CACNA2D1: variants seen among roughly 807,000 people sequenced by gnomAD.
CACNA2D1 encodes voltage-dependent calcium channel subunit alpha-2/delta-1.
CACNA2D1 carries 53 observed loss-of-function variants against 171.5 expected under a neutral mutation model. That is an observed-to-expected ratio of 0.31 (90% CI 0.25 to 0.39). The LOEUF (loss-of-function observed/expected upper bound fraction) is 0.39, where lower values mean the gene tolerates loss of function less well. Ranked by LOEUF, CACNA2D1 falls within the 10% of genes least tolerant of loss-of-function variation. The pLI is 1.00. For synonymous variants in CACNA2D1, 442 were observed against 443.1 expected, an observed-to-expected ratio of 1.00 and a Z score of 0.03; for missense variants, 903 against 1,299.8, an observed-to-expected ratio of 0.69 and a Z score of 4.69.
rs35419275 is a variant in CACNA2D1, at chr7:82,363,254, CTTTTTTTTTTTTTTTTTTT to C, written c.96-13624_96-13606del. On this transcript the variant is annotated intron_variant, in intron 1 of 38. Coordinates refer to ENST00000356860, the MANE Select transcript of CACNA2D1 (RefSeq NM_000722.4). The stretch of plus-strand genomic sequence containing the variant: ...CTACCATAGTTTTATTTATTTGTCT[CTTTTTTTTTTTTTTTTTTT>C]TTTTTTTTTTGAGACGGAGTCTCAC... 6.3e-5 allele frequency among the ~76,000 whole-genome samples: 4 copies of C among 63,420 alleles called. 1 individual carries two copies. The highest frequency in any genetic ancestry group is 3.3e-4 in the African/African-American group (4 of 11,950). 41.6% of individuals were successfully genotyped at this position (63,420 alleles called of 152,430 possible).
chr7:82,318,786 T>C (rs1815426288), intron 3 of CACNA2D1, among the ~76,000 whole-genome samples: 1 of 152,202 alleles, frequency 6.6e-6, no homozygotes, highest in African/African-American at 2.4e-5. Flanking sequence ...TTTCATTCTA[T>C]ACTTCTTGGC....
At chr7:82,382,200 C>A (rs1033064128) in intron 1 of CACNA2D1, among the ~76,000 whole-genome samples, 1 of 152,154 alleles carries the variant, frequency 6.6e-6, no homozygotes, top group African/African-American at 2.4e-5. Flanking sequence ...TATAGGAATT[C>A]TTTTCAATTT....
At chr7:81,970,179 A>T (rs1795121502) in intron 27 of CACNA2D1, among the ~76,000 whole-genome samples, 195 bp from the exon 28 acceptor site, 2 of 151,432 alleles carry the variant, frequency 1.3e-5, no homozygotes, top group Non-Finnish European at 3.0e-5. Context: ...GAATCAGAAA[A>T]AGCTAACTCC....
intron 5 of CACNA2D1, among the ~76,000 whole-genome samples, chr7:82,133,558 C>T (rs1204642056): frequency 1.3e-5 from 2 of 152,066 alleles, no homozygotes; most frequent in Non-Finnish European, 2.9e-5. Flanking sequence ...CAAAAATTAC[C>T]ACTTTTGGGA....
chr7:82,427,656 C>T (rs761135273), intron 1 of CACNA2D1, among the ~76,000 whole-genome samples: 48 of 152,158 alleles, frequency 3.2e-4, no homozygotes, highest in Non-Finnish European at 3.8e-4. Context: ...GGAAGGTTGA[C>T]TTGTTCAAGT....
chr7:82,168,614 A>C (rs751251795), intron 4 of CACNA2D1, among the ~76,000 whole-genome samples: 4 of 152,006 alleles, frequency 2.6e-5, no homozygotes, highest in Non-Finnish European at 5.9e-5. Flanking sequence ...AATAATTGCC[A>C]AATGTTAGTG....
chr7:82,051,992 T>C (rs1805244825), intron 10 of CACNA2D1, among the ~76,000 whole-genome samples: 1 of 152,190 alleles, frequency 6.6e-6, no homozygotes, highest in African/African-American at 2.4e-5. Flanking sequence ...TCTGACATCT[T>C]ATACATGATT....
intron 1 of CACNA2D1, among the ~76,000 whole-genome samples, chr7:82,350,915 T>C (rs189412983): frequency 2.6e-5 from 4 of 152,324 alleles, no homozygotes; most frequent in Admixed American, 2.6e-4. Flanking sequence ...GTCAGGATAT[T>C]TTAGAAGACC....
At chr7:82,073,967 T>TA (rs2128996042) in intron 7 of CACNA2D1, among the ~76,000 whole-genome samples, 1 of 152,168 alleles carries the variant, frequency 6.6e-6, no homozygotes, top group Admixed American at 6.5e-5. Context: ...ACTAGGCACA[T>TA]AGAGACACGA....
chr7:82,257,988 T>G (rs1444095812), intron 3 of CACNA2D1, among the ~76,000 whole-genome samples: 1 of 152,142 alleles, frequency 6.6e-6, no homozygotes, highest in Non-Finnish European at 1.5e-5. Context: ...TGATTGCTGG[T>G]GGAGGGAGAC....
chr7:81,966,740 T>A (rs1263124607), intron 31 of CACNA2D1, among the ~76,000 whole-genome samples: 1 of 151,488 alleles, frequency 6.6e-6, no homozygotes, highest in African/African-American at 2.4e-5. Context: ...TACTTCCAGG[T>A]TTAGTTAAAA....
At chr7:82,099,202 G>A (rs901961530) in intron 6 of CACNA2D1, among the ~76,000 whole-genome samples, 1 of 151,994 alleles carries the variant, frequency 6.6e-6, no homozygotes, top group African/African-American at 2.4e-5. Context: ...TATATCTGTA[G>A]CAAAACCTTT....
chr7:82,275,898 A>G, intron 3 of CACNA2D1, among the ~76,000 whole-genome samples: 1 of 152,206 alleles, frequency 6.6e-6, no homozygotes, highest in East Asian at 1.9e-4. Flanking sequence ...GGACTTCTGA[A>G]CTGCCGTTTA....
intron 3 of CACNA2D1, among the ~76,000 whole-genome samples, chr7:82,198,987 G>T (rs1799134314): frequency 6.6e-6 from 1 of 152,002 alleles, no homozygotes; most frequent in Admixed American, 6.6e-5. Flanking sequence ...GGAAGAATTT[G>T]GATTTCCCCT....
At chr7:82,358,136 G>C (rs929654173) in intron 1 of CACNA2D1, among the ~76,000 whole-genome samples, 6 of 152,206 alleles carry the variant, frequency 3.9e-5, no homozygotes, top group African/African-American at 1.2e-4. Flanking sequence ...GAAGTAATAA[G>C]TTCATATATT....
At chr7:82,136,611 T>C (rs1791643773) in intron 5 of CACNA2D1, 24 bp downstream of exon 5, 3 of 1,550,816 alleles carry the variant, frequency 1.9e-6, no homozygotes, top group South Asian at 1.1e-5. Context: ...TCTTGGAATT[T>C]AATGGAAAAC....
chr7:82,353,042 T>C (rs983042377), intron 1 of CACNA2D1, among the ~76,000 whole-genome samples: 6 of 152,218 alleles, frequency 3.9e-5, no homozygotes, highest in African/African-American at 1.4e-4. Flanking sequence ...TGTAAATGTA[T>C]GTAAACATGA....
chr7:82,393,140 A>G, intron 1 of CACNA2D1, among the ~76,000 whole-genome samples: 1 of 109,870 alleles, frequency 9.1e-6, no homozygotes, highest in African/African-American at 4.0e-5. Flanking sequence ...GCAGGCAGGA[A>G]GGGAGGGAGG....
chr7:82,011,898 C>T, intron 15 of CACNA2D1: 2 of 368,064 alleles, frequency 5.4e-6, no homozygotes, highest in South Asian at 1.1e-4. Context: ...TTCAACATTC[C>T]AGGTTGGAAA....
Sources: gnomAD v4.1 joint callset for allele counts (sites outside exome capture counted in the v4.1 genomes callset) on GRCh38, gnomAD v4.1.1 for gene constraint, MANE v1.5 for transcripts, NCBI Gene and HGNC (gene_info 2026-07-23, HGNC 2026-07-21) for gene names.